AKR1C3: variants seen among roughly 807,000 people sequenced by gnomAD.
The protein encoded by AKR1C3 is 3-alpha hydroxysteroid dehydrogenase, type II.
AKR1C3 carries 48 observed loss-of-function variants against 43.6 expected under a neutral mutation model. That is an observed-to-expected ratio of 1.10 (90% CI 0.87 to 1.40). AKR1C3 has a LOEUF of 1.40. AKR1C3 is among the 40% of genes most tolerant of loss of function. The probability of loss-of-function intolerance (pLI) is 0.00; values close to 1 mark genes in which losing one functional copy is unlikely to be tolerated. For missense variants in AKR1C3, 482 were observed against 391.2 expected, an observed-to-expected ratio of 1.23 and a Z score of -1.96; for synonymous variants, 162 against 139.6, an observed-to-expected ratio of 1.16 and a Z score of -1.13.
At chr10:5,097,628 C>T (rs562560711) in intron 3 of AKR1C3, 78 bp downstream of exon 3, 3 of 1,603,890 alleles carry the variant, frequency 1.9e-6, no homozygotes, top group African/African-American at 2.7e-5. Context: ...TTGAACAGAG[C>T]TTTTTATTAG....
chr10:5,099,612 C>G, intron 5 of AKR1C3, 163 bp downstream of exon 5: 3 of 1,301,010 alleles, frequency 2.3e-6, no homozygotes, highest in Non-Finnish European at 3.2e-6. Flanking sequence ...TTGTTTGTAC[C>G]CTGCTTGGAA....
intron 1 of AKR1C3, among the ~76,000 whole-genome samples, chr10:5,051,613 ATTCT>A (rs782814309): frequency 1.2e-4 from 18 of 152,202 alleles, no homozygotes; most frequent in Non-Finnish European, 1.9e-4. Flanking sequence ...ATCACGCATT[ATTCT>A]TTCTTTCTTC....
intron 1 of AKR1C3, among the ~76,000 whole-genome samples, chr10:5,082,491 A>G (rs1048678231): frequency 1.2e-4 from 18 of 152,066 alleles, no homozygotes; most frequent in Non-Finnish European, 2.5e-4. Flanking sequence ...AGTTTTTATC[A>G]TAAAGGTTTT....
intron 1 of AKR1C3, among the ~76,000 whole-genome samples, chr10:5,094,773 C>A (rs765582330): frequency 6.6e-6 from 1 of 152,124 alleles, no homozygotes; most frequent in Non-Finnish European, 1.5e-5. Context: ...TAGTTCCCAG[C>A]TTGGCAGAAT....
intron 1 of AKR1C3, among the ~76,000 whole-genome samples, chr10:5,053,101 G>A (rs1008703095): frequency 6.6e-6 from 1 of 152,238 alleles, no homozygotes; most frequent in African/African-American, 2.4e-5. Context: ...ATCCCATGCT[G>A]GGACCGCAGG....
At chr10:5,094,650 T>C (rs1417867782) in intron 1 of AKR1C3, 122 bp downstream of exon 1, 1 of 1,090,188 alleles carries the variant, frequency 9.2e-7, no homozygotes, top group Non-Finnish European at 1.4e-6. Flanking sequence ...GGTCTAGGTT[T>C]CCTAGGCTAG....
intron 1 of AKR1C3, among the ~76,000 whole-genome samples, chr10:5,088,959 C>G (rs1839029905): frequency 1.3e-5 from 2 of 151,810 alleles, no homozygotes; most frequent in South Asian, 4.2e-4. Flanking sequence ...ATTTAAGATT[C>G]CTCTGAGCAT....
chr10:5,048,903 T>C, intron 1 of AKR1C3: 2 of 1,611,692 alleles, frequency 1.2e-6, no homozygotes, highest in South Asian at 1.1e-5. Context: ...GAGGTAATAA[T>C]AATGTTTTTG....
chr10:5,106,731 A>G (rs9329315), intron 8 of AKR1C3, among the ~76,000 whole-genome samples: 117,957 of 151,160 alleles, frequency 0.78, 46,177 homozygotes, highest in East Asian at 0.86. Flanking sequence ...TCCAGCCTGA[A>G]TGACAGAGTG....
At chr10:5,100,267 C>T (rs553560128) in intron 5 of AKR1C3, among the ~76,000 whole-genome samples, 3 of 152,304 alleles carry the variant, frequency 2.0e-5, no homozygotes, top group East Asian at 3.9e-4. Flanking sequence ...GCACTCCAGC[C>T]TGGGCAACAA....
At chr10:5,086,459 G>T (rs1435795962) in intron 1 of AKR1C3, among the ~76,000 whole-genome samples, 1 of 151,624 alleles carries the variant, frequency 6.6e-6, no homozygotes, top group Non-Finnish European at 1.5e-5. Context: ...TATAATTTCT[G>T]TTCTTTTACA....
upstream of AKR1C3, chr10:5,094,055 G>A (rs1182734461): frequency 1.2e-5 from 2 of 166,592 alleles, no homozygotes; most frequent in African/African-American, 2.4e-5. Flanking sequence ...TAAAGAAGGG[G>A]CATTATCACG....
At chr10:5,098,173 A>T (rs1191781982) in intron 3 of AKR1C3, 1 of 985,634 alleles carries the variant, frequency 1.0e-6, no homozygotes, top group East Asian at 1.1e-4. Flanking sequence ...TAAAATGGGA[A>T]GTCAAAGACA....
chr10:5,056,545 C>T (rs1295477258), intron 1 of AKR1C3, among the ~76,000 whole-genome samples: 1 of 152,170 alleles, frequency 6.6e-6, no homozygotes, highest in Non-Finnish European at 1.5e-5. Flanking sequence ...TAACAATATT[C>T]TGTAATCCTT....
intron 2 of AKR1C3, 128 bp from the exon 3 acceptor site, chr10:5,097,306 G>T: frequency 9.0e-7 from 1 of 1,110,114 alleles, no homozygotes; most frequent in Non-Finnish European, 1.3e-6. Flanking sequence ...TGAGAAGGAA[G>T]AGAATATGTT....
At chr10:5,060,723 C>T (rs7070444) in intron 1 of AKR1C3, among the ~76,000 whole-genome samples, 2,222 of 152,308 alleles carry the variant, frequency 0.015, 27 homozygotes, top group Non-Finnish European at 0.024. Flanking sequence ...TGGGACTTGG[C>T]GCTGTGGAGC....
intron 7 of AKR1C3, among the ~76,000 whole-genome samples, chr10:5,103,207 T>C (rs1839403545): frequency 6.6e-6 from 1 of 152,188 alleles, no homozygotes; most frequent in African/African-American, 2.4e-5. Context: ...TCTTCAGAAA[T>C]GTGGAGTAGC....
intron 1 of AKR1C3, among the ~76,000 whole-genome samples, chr10:5,087,559 A>G (rs1404682913): frequency 6.6e-6 from 1 of 151,670 alleles, no homozygotes; most frequent in African/African-American, 2.4e-5. Context: ...TATTTTTAGT[A>G]GAGGCGGGGT....
chr10:5,106,575 A>T (rs1032904091), intron 8 of AKR1C3, among the ~76,000 whole-genome samples: 1 of 152,098 alleles, frequency 6.6e-6, no homozygotes, highest in African/African-American at 2.4e-5. Context: ...ACATGGTGAA[A>T]CCCTGTCTCT....
Sources: allele counts gnomAD v4.1 joint callset (sites outside exome capture counted in the v4.1 genomes callset), GRCh38; gene constraint gnomAD v4.1.1; transcripts MANE v1.5; gene names NCBI Gene and HGNC (gene_info 2026-07-23, HGNC 2026-07-21).